Variants in RFTN2 observed in about 807,000 individuals in gnomAD.
RFTN2 encodes raftlin family member 2.
A neutral mutation model predicts 52.7 loss-of-function variants in RFTN2; 34 were observed. That is an observed-to-expected ratio of 0.64 (90% confidence interval 0.49 to 0.86). The LOEUF (loss-of-function observed/expected upper bound fraction) is 0.86. Ranked by LOEUF, RFTN2 falls within the 40% of genes least tolerant of loss-of-function variation. The probability of loss-of-function intolerance (pLI) is 0.00; values close to 1 mark genes in which losing one functional copy is unlikely to be tolerated. For synonymous variants in RFTN2, 203 were observed against 217.7 expected, an observed-to-expected ratio of 0.93 and a Z score of 0.59; for missense variants, 536 against 600.1, an observed-to-expected ratio of 0.89 and a Z score of 1.12.
intron 8 of RFTN2, among the ~76,000 whole-genome samples, chr2:197,595,064 A>G (rs879271457): frequency 1.1e-4 from 16 of 152,258 alleles, no homozygotes; most frequent in Non-Finnish European, 1.8e-4. Flanking sequence ...TGCTTTATTA[A>G]TGCACAGATT....
chr2:197,621,400 G>GTT (rs1246579924), intron 5 of RFTN2, among the ~76,000 whole-genome samples: 6 of 55,178 alleles, frequency 1.1e-4, no homozygotes, highest in African/African-American at 2.4e-4. Flanking sequence ...TGCAGATACC[G>GTT]GTTTTTTTTT....
intron 1 of RFTN2, among the ~76,000 whole-genome samples, chr2:197,666,503 G>T (rs1002843562): frequency 6.6e-6 from 1 of 152,194 alleles, no homozygotes; most frequent in Non-Finnish European, 1.5e-5. Context: ...TGAGAAATCT[G>T]CTGTTATTCT....
chr2:197,651,366 C>G (rs1268575813), intron 1 of RFTN2, among the ~76,000 whole-genome samples: 1 of 152,162 alleles, frequency 6.6e-6, no homozygotes, highest in Non-Finnish European at 1.5e-5. Context: ...CGCCCGTAAT[C>G]CCAGCAATTT....
Position 197,572,248 on chromosome 2 carries a change from GTCTTCACCTTTTA to G in RFTN2, c.1253_1265del (p.Ile418ThrfsTer12), listed in dbSNP as rs1188478441. The G allele has an allele frequency of 6.2e-7, 1 of 1,614,028 alleles. No individual in the cohort carries two copies. The highest frequency in any genetic ancestry group is 8.5e-7 in the Non-Finnish European group (1 of 1,179,968). ...TGCTTCTACTAGTGGCTTTATTCTTGTCTTCACCTTTTATGTGGCGGCTGGCTTTCTTCTGAAA... is the reference window on the plus strand; with the variant it reads ...TGCTTCTACTAGTGGCTTTATTCTTGTGTGGCGGCTGGCTTTCTTCTGAAA... On this transcript the variant is annotated frameshift_variant, in exon 9 of 9. Transcript: ENST00000295049. LOFTEE classifies it low-confidence loss of function (END_TRUNC).
chr2:197,658,262 C>T (rs1397781737), intron 1 of RFTN2, among the ~76,000 whole-genome samples: 1 of 151,112 alleles, frequency 6.6e-6, no homozygotes, highest in South Asian at 2.1e-4. Context: ...TCTTCATAAA[C>T]CTTACTTATG....
chr2:197,607,512 T>C (rs139664927), intron 7 of RFTN2, among the ~76,000 whole-genome samples: 61 of 142,176 alleles, frequency 4.3e-4, no homozygotes, highest in African/African-American at 1.6e-3. Flanking sequence ...AATAAAGCTT[T>C]CATTTATAGT....
intron 1 of RFTN2, among the ~76,000 whole-genome samples, chr2:197,656,826 C>G (rs1454899648): frequency 6.6e-6 from 1 of 152,150 alleles, no homozygotes; most frequent in Non-Finnish European, 1.5e-5. Context: ...CTAGCTCAAA[C>G]TGATCTACTA....
intron 8 of RFTN2, among the ~76,000 whole-genome samples, chr2:197,592,521 T>G (rs574992242): frequency 6.6e-6 from 1 of 152,366 alleles, no homozygotes; most frequent in Admixed American, 6.5e-5. Context: ...AAGGTCAGAC[T>G]CTAGGTTAAT....
intron 8 of RFTN2, among the ~76,000 whole-genome samples, chr2:197,586,221 C>T (rs759668492): frequency 6.6e-6 from 1 of 152,278 alleles, no homozygotes; most frequent in African/African-American, 2.4e-5. Context: ...TTCTTGTTTA[C>T]TTATACCCAG....
intron 1 of RFTN2, among the ~76,000 whole-genome samples, chr2:197,647,480 G>T (rs1376616045): frequency 2.6e-5 from 4 of 152,150 alleles, no homozygotes; most frequent in Non-Finnish European, 5.9e-5. Context: ...AAAGTGTTGG[G>T]ATTATAGGTG....
At chr2:197,623,489 G>A (rs182961998) in intron 5 of RFTN2, among the ~76,000 whole-genome samples, 29 of 152,118 alleles carry the variant, frequency 1.9e-4, no homozygotes, top group Non-Finnish European at 4.4e-5. Context: ...TGTTGTTGTT[G>A]TTTTTTTGAG....
Position 197,666,081 on chromosome 2 carries a change from TTTC to T in RFTN2, c.139+9236_139+9238del, listed in dbSNP as rs563769969. On this transcript the variant is annotated intron_variant, in intron 1 of 8. Transcript: ENST00000295049. The stretch of plus-strand genomic sequence containing the variant: ...TGTTGCTTGTCTGGGAAAGACTTTG[TTTC>T]TTCTTCTTTTTTTTTTTTGAGATGG... Among the ~76,000 whole-genome samples, 32 of 152,078 alleles carry T rather than the reference TTTC, an allele frequency of 2.1e-4. No individual in the cohort carries two copies. The South Asian group carries it at 5.6e-3, about 27-fold the overall frequency.
intron 3 of RFTN2, among the ~76,000 whole-genome samples, chr2:197,641,329 G>T (rs1413184559): frequency 1.3e-5 from 2 of 152,196 alleles, no homozygotes; most frequent in East Asian, 3.8e-4. Context: ...AACAGCATTT[G>T]TTCCTATGAA....
intron 8 of RFTN2, among the ~76,000 whole-genome samples, chr2:197,579,023 T>G (rs892992213): frequency 6.6e-6 from 1 of 152,192 alleles, no homozygotes; most frequent in Non-Finnish European, 1.5e-5. Context: ...TCCCTTCTCT[T>G]AATGTCAGGC....
At chr2:197,586,915 C>T (rs1481163303) in intron 8 of RFTN2, among the ~76,000 whole-genome samples, 2 of 152,018 alleles carry the variant, frequency 1.3e-5, no homozygotes, top group Non-Finnish European at 2.9e-5. Context: ...TGGTGTAAGA[C>T]AACATAAAAA....
At chr2:197,622,724 G>C (rs983232001) in intron 5 of RFTN2, among the ~76,000 whole-genome samples, 3 of 152,308 alleles carry the variant, frequency 2.0e-5, no homozygotes, top group Admixed American at 2.0e-4. Context: ...AGGACACGCT[G>C]ACTCTCTTGT....
chr2:197,636,191 C>A (rs1220772911), intron 3 of RFTN2, among the ~76,000 whole-genome samples: 3 of 151,536 alleles, frequency 2.0e-5, no homozygotes, highest in African/African-American at 7.3e-5. Flanking sequence ...CAGCTTTGTT[C>A]TTTTGGCTTA....
intron 1 of RFTN2, among the ~76,000 whole-genome samples, chr2:197,670,824 A>G (rs1222982447): frequency 6.6e-6 from 1 of 152,178 alleles, no homozygotes. Context: ...CTCCCTTTGG[A>G]GTGCCCCTCC....
At position 197,571,739 on chromosome 2, in the gene RFTN2, A is replaced by C. The variant is rs2087321397; in HGVS notation, c.*269T>G. 1.6e-5 allele frequency: 7 copies of C among 440,938 alleles called. No homozygotes were observed. Among genetic ancestry groups the C allele is most frequent in the Non-Finnish European group, 2.0e-5 (5 of 246,198 alleles). 27.3% of individuals were successfully genotyped at this position (440,938 alleles called of 1,614,324 possible). On this transcript the variant is annotated 3_prime_UTR_variant, in exon 9 of 9. Transcript: ENST00000295049. ...CTTTGTACATTCATGAGAAGCTGAA[A>C]TAGATTATTGTGTAATAACCGAATG...
Sources: allele counts gnomAD v4.1 joint callset (sites outside exome capture counted in the v4.1 genomes callset), GRCh38; gene constraint gnomAD v4.1.1; transcripts MANE v1.5; gene names NCBI Gene and HGNC (gene_info 2026-07-23, HGNC 2026-07-21).